Variants in CTSB observed in about 807,000 individuals in gnomAD.
CTSB encodes the protein APP secretase.
Under a neutral mutation model 44.3 loss-of-function variants are expected in CTSB, and 57 were observed. The observed-to-expected ratio is 1.29, with a 90% CI of 1.04 to 1.60. The LOEUF (loss-of-function observed/expected upper bound fraction) is 1.60, where lower values mean the gene tolerates loss of function less well. CTSB is among the 40% of genes most tolerant of loss of function. The pLI is 0.00. For missense variants in CTSB, 768 were observed against 443.0 expected, an observed-to-expected ratio of 1.73 and a Z score of -6.59; for synonymous variants, 320 against 168.0, an observed-to-expected ratio of 1.91 and a Z score of -7.00.
intron 1 of CTSB, chr8:11,854,533 G>A (rs1815192625): frequency 6.7e-6 from 1 of 149,836 alleles, no homozygotes; most frequent in Admixed American, 6.7e-5. Context: ...TGTGGGCCAT[G>A]TCACCCAGTC....
At chr8:11,859,347 T>C (rs886663859) in intron 1 of CTSB, among the ~76,000 whole-genome samples, 1 of 152,018 alleles carries the variant, frequency 6.6e-6, no homozygotes, top group Admixed American at 6.6e-5. Context: ...ATAGGGACCT[T>C]GCGATCCTGG....
At chr8:11,847,014 A>ACC in intron 8 of CTSB, 38 bp downstream of exon 8, 2 of 711,158 alleles carry the variant, frequency 2.8e-6, no homozygotes, top group East Asian at 3.1e-5. Flanking sequence ...TCCCCTCCCG[A>ACC]CCCCCACCCT....
chr8:11,847,865 A>T (rs1813719165), intron 6 of CTSB, 43 bp from the exon 7 acceptor site: 1 of 1,448,738 alleles, frequency 6.9e-7, no homozygotes, highest in African/African-American at 2.2e-5. Flanking sequence ...TACAGCCCCC[A>T]CGGAGAAGAC....
intron 1 of CTSB, among the ~76,000 whole-genome samples, chr8:11,861,061 C>T (rs1020769036): frequency 2.0e-5 from 3 of 152,210 alleles, no homozygotes; most frequent in South Asian, 2.1e-4. Context: ...TGATGTGTTA[C>T]GTCTTTGCCC....
At chr8:11,860,727 G>A (rs957341127) in intron 1 of CTSB, among the ~76,000 whole-genome samples, 5 of 152,246 alleles carry the variant, frequency 3.3e-5, no homozygotes, top group South Asian at 2.1e-4. Flanking sequence ...GAGCGGCTAA[G>A]AGCACGGGAA....
intron 9 of CTSB, among the ~76,000 whole-genome samples, 186 bp from the exon 10 acceptor site, chr8:11,845,408 C>T (rs530542982): frequency 3.3e-5 from 5 of 152,354 alleles, no homozygotes; most frequent in Non-Finnish European, 7.3e-5. Context: ...GCCCCCTGCC[C>T]GGTCACCCTT....
chr8:11,849,501 C>A (rs1398018057), intron 4 of CTSB: 2 of 181,748 alleles, frequency 1.1e-5, no homozygotes, highest in East Asian at 1.3e-4. Flanking sequence ...GAAGCACCCC[C>A]GTGAACCTCT....
intron 9 of CTSB, 22 bp downstream of exon 9, chr8:11,845,639 C>A (rs1257816571): frequency 6.2e-7 from 1 of 1,608,458 alleles, no homozygotes; most frequent in South Asian, 1.1e-5. Flanking sequence ...CTGTTCTTGG[C>A]AGGAAGGGGG....
At chr8:11,849,721 T>C (rs925455055) in intron 4 of CTSB, 5 of 152,284 alleles carry the variant, frequency 3.3e-5, no homozygotes, top group Non-Finnish European at 7.3e-5. Flanking sequence ...GCTGGGATTA[T>C]AGGTGCCTGC....
rs1029154174 is a variant in CTSB, at chr8:11,844,382, A to G, written c.*743T>C. ...TGTTAACTTGACAGGGTGAAGCTGT[A>G]ATTTTTCAAAAACAGTAAAAGCTGG... On this transcript the variant is annotated 3_prime_UTR_variant, in exon 10 of 10. Coordinates refer to ENST00000353047, the MANE Select transcript of CTSB (RefSeq NM_001908.5). 2.0e-5 allele frequency: 3 copies of G among 151,722 alleles called. No homozygotes were observed. The highest frequency in any genetic ancestry group is 2.9e-5 in the Non-Finnish European group (2 of 67,908). 9.4% of individuals were successfully genotyped at this position (151,722 alleles called of 1,614,324 possible). A position where few individuals can be genotyped will look rare whatever the true frequency, so the allele number is the denominator to read the frequency against.
At chr8:11,848,698 C>T (rs1187194685) in intron 5 of CTSB, 3 of 302,442 alleles carry the variant, frequency 9.9e-6, no homozygotes, top group Non-Finnish European at 2.0e-5. Context: ...GGAGCCATCC[C>T]CGCTAACTAC....
At chr8:11,863,472 AAAAC>A (rs925763809) in intron 1 of CTSB, among the ~76,000 whole-genome samples, 4 of 152,112 alleles carry the variant, frequency 2.6e-5, no homozygotes, top group East Asian at 1.9e-4. Flanking sequence ...AAAAAACAAA[AAAAC>A]CCAGCAAATA....
chr8:11,862,375 GGA>G (rs1461464310), intron 1 of CTSB: 1 of 152,190 alleles, frequency 6.6e-6, no homozygotes, highest in African/African-American at 2.4e-5. Context: ...GCGCCATCTG[GGA>G]GAAACTTCCT....
chr8:11,864,883 A>G (rs1028248336), intron 1 of CTSB, among the ~76,000 whole-genome samples: 1 of 146,812 alleles, frequency 6.8e-6, no homozygotes, highest in Non-Finnish European at 1.5e-5. Flanking sequence ...ACGGCATTCC[A>G]GCCTGGGTGA....
chr8:11,847,871 A>AAGCCCCAGCTGGGAGAGGC (rs3215434), intron 6 of CTSB, 49 bp from the exon 7 acceptor site: 1 of 1,555,122 alleles, frequency 6.4e-7, no homozygotes, highest in Non-Finnish European at 8.7e-7. Flanking sequence ...CCCCACGGAG[A>AAGCCCCAGCTGGGAGAGGC]AGACCTGGGG....
intron 1 of CTSB, among the ~76,000 whole-genome samples, chr8:11,861,777 G>C (rs1043050030): frequency 1.3e-5 from 2 of 152,212 alleles, no homozygotes; most frequent in Non-Finnish European, 2.9e-5. Flanking sequence ...GAGATCCTTT[G>C]AGATTGCAAT....
rs1446562913 is a variant in CTSB at position 11,849,135 on chromosome 8, G to T, written c.357C>A (p.Asp119Glu). ...GCGCATTGGTGTGGATGCAGATCCGGTCAGAGATGGCTTCCACAGCCCCGA... is the reference window on the plus strand; with the variant it reads ...GCGCATTGGTGTGGATGCAGATCCGTTCAGAGATGGCTTCCACAGCCCCGA... ...WAFGAVEAIS[D>E]RICIHTNAHV... Residue 119 changes from aspartate (D) to glutamate (E), a missense_variant, in exon 5 of 10, where the codon GAC (aspartate) becomes GAA (glutamate). Transcript: ENST00000353047. 6.2e-7 allele frequency: 1 copy of T among 1,613,116 alleles called. No homozygotes were observed. Among genetic ancestry groups the T allele is most frequent in the Admixed American group, 1.7e-5 (1 of 60,022 alleles).
chr8:11,854,811 C>G (rs920926723), intron 1 of CTSB: 6 of 152,242 alleles, frequency 3.9e-5, no homozygotes, highest in Non-Finnish European at 7.3e-5. Flanking sequence ...GGAGCCCAGC[C>G]CTCTGGGGCA....
chr8:11,852,620 G>C lies in CTSB; in HGVS notation c.202C>G (p.Pro68Ala), dbSNP rs754225960. Residue 68 changes from proline to alanine, a missense_variant, in exon 3 of 10, where the codon CCA becomes GCA. By Grantham distance (27) the Pro-to-Ala change is conservative. Transcript: ENST00000353047. Reference sequence around the variant, plus strand: ...GGAGCAGGCACTCACCTCTGGGGTGGCTTGGGCCCACCCAGGAAGGTACCA... The same window carrying C: ...GGAGCAGGCACTCACCTCTGGGGTGCCTTGGGCCCACCCAGGAAGGTACCA... ...LCGTFLGGPK[P>A]PQRVMFTEDL... 1 of 1,613,326 alleles carries C rather than the reference G, an allele frequency of 6.2e-7. No individual in the cohort carries two copies. The highest frequency in any genetic ancestry group is 8.5e-7 in the Non-Finnish European group (1 of 1,179,792).
Sources: gnomAD v4.1 joint callset for allele counts (sites outside exome capture counted in the v4.1 genomes callset) on GRCh38, gnomAD v4.1.1 for gene constraint, MANE v1.5 for transcripts, NCBI Gene and HGNC (gene_info 2026-07-23, HGNC 2026-07-21) for gene names.